BPIFB4: variants seen among roughly 807,000 people sequenced by gnomAD.
The protein encoded by BPIFB4 is BPI fold containing family B member 4, also known as BPI fold-containing family B member 4.
A neutral mutation model predicts 69.2 loss-of-function variants in BPIFB4; 62 were observed. That is an observed-to-expected ratio of 0.90 (90% CI 0.73 to 1.11). The LOEUF (loss-of-function observed/expected upper bound fraction) is 1.11, where lower values mean the gene tolerates loss of function less well. BPIFB4 is among the 50% of genes least tolerant of loss of function. The pLI is 0.00. For synonymous variants in BPIFB4, 330 were observed against 332.7 expected, an observed-to-expected ratio of 0.99 and a Z score of 0.09; for missense variants, 789 against 792.0, an observed-to-expected ratio of 1.00 and a Z score of 0.04.
At chr20:33,085,550 G>C (rs1981399181) in intron 6 of BPIFB4, among the ~76,000 whole-genome samples, 1 of 152,240 alleles carries the variant, frequency 6.6e-6, no homozygotes, top group Non-Finnish European at 1.5e-5. Context: ...CCTTGGGCCA[G>C]TCCCCCAGTG....
rs1376492089 is a variant in BPIFB4, at chr20:33,086,180, C to G, written c.926+16C>G. 2.5e-6 allele frequency: 4 copies of G among 1,597,302 alleles called. No individual in the cohort carries two copies. In the African/African-American group the frequency reaches 4.0e-5, roughly 16 times the overall value. On this transcript the variant is annotated intron_variant, in intron 7 of 17. Transcript: ENST00000375483. ...TGCTGCGAGGGTGAGTGCTAGCCGG[C>G]AGTGGAGTGCCTTGGGGGTTGCTGG...
At position 33,097,681 on chromosome 20, in the gene BPIFB4, C is replaced by T; in HGVS notation, c.1463C>T (p.Ser488Phe). The T allele has an allele frequency of 6.2e-7, 1 of 1,614,140 alleles. No individual in the cohort carries two copies. The change falls in exon 13 of 18, where the codon TCT (serine) becomes TTT (phenylalanine). Residue 488 changes from serine to phenylalanine, a missense_variant. Physicochemically the swap from Ser to Phe is radical, Grantham distance 155. Around this residue, in one of 3 missense-constraint regions of BPIFB4, gnomAD observed 170 missense variants for 193.6 expected, o/e 0.88. Coordinates refer to ENST00000375483, the MANE Select transcript of BPIFB4 (RefSeq NM_182519.3). ...IIRIQVLNPPSVMLQKDKALV... is the reference protein window; with the variant it reads ...IIRIQVLNPPFVMLQKDKALV... ...AGGATCCAGGTGCTGAACCCACCAT[C>T]TGTGATGCTGCAGAAGGACAAAGCG... is the stretch of plus-strand genomic sequence containing the variant.
chr20:33,092,545 C>G lies in BPIFB4; in HGVS notation c.1231C>G (p.Pro411Ala), dbSNP rs750552572. ...VSPKPMPELP[P>A]MGDNTKSQLA... ...TCCCAAGCCGATGCCAGAGCTGCCT[C>G]CCATGGGTGACAACACCAAGTCCCA... Residue 411 changes from proline to alanine, a missense_variant, in exon 11 of 18, where the codon CCC becomes GCC. Pro to Ala is a conservative substitution (Grantham distance 27, BLOSUM62 -1). Coordinates refer to ENST00000375483, the MANE Select transcript of BPIFB4 (RefSeq NM_182519.3). 7 of 1,614,144 alleles carry G rather than the reference C, an allele frequency of 4.3e-6. No homozygotes were observed. Among genetic ancestry groups the G allele is most frequent in the Non-Finnish European group, 5.9e-6 (7 of 1,180,000 alleles).
chr20:33,085,887 T>A (rs1300409612), intron 6 of BPIFB4, 134 bp from the exon 7 acceptor site: 1 of 1,085,708 alleles, frequency 9.2e-7, no homozygotes, highest in Non-Finnish European at 1.4e-6. Flanking sequence ...AGGGAAGAGT[T>A]CTGGGTTGGG....
At chr20:33,087,717 A>AACACACAC (rs1555882746) in intron 7 of BPIFB4, among the ~76,000 whole-genome samples, 7 of 59,436 alleles carry the variant, frequency 1.2e-4, no homozygotes, top group Middle Eastern at 8.1e-3. Flanking sequence ...CTATCCCCTC[A>AACACACAC]ACACACACAC....
intron 16 of BPIFB4, among the ~76,000 whole-genome samples, chr20:33,105,689 C>T (rs1022289188): frequency 6.6e-6 from 1 of 152,192 alleles, no homozygotes; most frequent in Admixed American, 6.5e-5. Flanking sequence ...GCTACACCAG[C>T]GGGGGTTCTG....
At chr20:33,100,395 G>A in intron 13 of BPIFB4, 31 bp from the exon 14 acceptor site, 1 of 1,544,814 alleles carries the variant, frequency 6.5e-7, no homozygotes, top group Non-Finnish European at 8.9e-7. Context: ...CATGAAGGCA[G>A]TGACGTCTTT....
At chr20:33,097,887 A>C in intron 13 of BPIFB4, 100 bp downstream of exon 13, 14 of 1,280,180 alleles carry the variant, frequency 1.1e-5, no homozygotes, top group Non-Finnish European at 1.4e-5. Flanking sequence ...CTCAATCTCC[A>C]CCATCATGAC....
At chr20:33,096,943 T>C (rs1002025133) in intron 12 of BPIFB4, among the ~76,000 whole-genome samples, 4 of 152,252 alleles carry the variant, frequency 2.6e-5, no homozygotes, top group Non-Finnish European at 5.9e-5. Flanking sequence ...TTGATAAATA[T>C]GGCAAACTGC....
intron 13 of BPIFB4, 60 bp from the exon 14 acceptor site, chr20:33,100,366 T>C: frequency 7.0e-7 from 1 of 1,424,900 alleles, no homozygotes; most frequent in East Asian, 2.3e-5. Context: ...AATGAGCCTT[T>C]GGCAAGCACT....
intron 14 of BPIFB4, 46 bp downstream of exon 14, chr20:33,100,539 T>C (rs1181770517): frequency 6.5e-7 from 1 of 1,547,270 alleles, no homozygotes; most frequent in Admixed American, 1.7e-5. Context: ...CTGGTGCTGC[T>C]CATGGAGGAG....
rs1981415472 is a variant in BPIFB4, at chr20:33,086,052, G to C, written c.814G>C (p.Val272Leu). 20 of 1,612,976 alleles carry C rather than the reference G, an allele frequency of 1.2e-5. No homozygotes were observed. The highest frequency in any genetic ancestry group is 1.7e-5 in the Non-Finnish European group (20 of 1,179,136). Residue 272 changes from valine (V) to leucine (L), a missense_variant, in exon 7 of 18, where the codon GTG becomes CTG. Val to Leu is a conservative substitution (Grantham distance 32). Around this residue, in one of 3 missense-constraint regions of BPIFB4, gnomAD observed 611 missense variants for 575.4 expected, o/e 1.06. Transcript: ENST00000375483. ...TGGCTTCCTGGACATCGCAGTAGAA[G>C]TGAACATCACAGCCAAGGTCCGGCT... ...LIGFLDIAVE[V>L]NITAKVRLTM... is the part of the protein sequence containing the mutation.
chr20:33,088,312 G>A (rs1368319385), intron 7 of BPIFB4, among the ~76,000 whole-genome samples: 6 of 144,030 alleles, frequency 4.2e-5, no homozygotes, highest in Non-Finnish European at 9.0e-5. Flanking sequence ...CTACACTCCA[G>A]CCTGGGCAAC....
rs1055783635 is a variant in BPIFB4, at chr20:33,089,404, G to C, written c.991-94G>C. 2.5e-6 allele frequency: 4 copies of C among 1,586,248 alleles called. No homozygotes were observed. In the Admixed American group the frequency reaches 5.1e-5, roughly 20 times the overall value. On this transcript the variant is annotated intron_variant, in intron 8 of 17. Transcript: ENST00000375483. The stretch of plus-strand genomic sequence containing the variant: ...GTGCCTGGCACAGAGCAAGCAGTCA[G>C]TAAATTTTAGCTATCGTTACTCTTG...
chr20:33,106,504 C>T (rs1036821103), intron 16 of BPIFB4, among the ~76,000 whole-genome samples: 3 of 151,824 alleles, frequency 2.0e-5, no homozygotes, highest in Non-Finnish European at 4.4e-5. Flanking sequence ...TCCCGAGTAC[C>T]TGGGATTACA....
Position 33,092,584 on chromosome 20 carries a change from G to A in BPIFB4, c.1270G>A (p.Ala424Thr). Residue 424 changes from alanine (A) to threonine (T), a missense_variant, in exon 11 of 18, where the codon GCC (alanine) becomes ACC (threonine). Ala to Thr is a moderately conservative substitution (Grantham distance 58). Transcript: ENST00000375483. Reference protein sequence around the residue: ...DNTKSQLAMSANFLGSVLTLL... With the variant: ...DNTKSQLAMSTNFLGSVLTLL... ...CACCAAGTCCCAGCTGGCCATGTCT[G>A]CCAACTTCCTGGGCTCAGTGCTGAC... The A allele has an allele frequency of 6.2e-7, 1 of 1,613,920 alleles. No individual in the cohort carries two copies. Among genetic ancestry groups the A allele is most frequent in the Non-Finnish European group, 8.5e-7 (1 of 1,180,026 alleles).
Position 33,081,584 on chromosome 20 carries a change from C to T in BPIFB4, c.58C>T (p.His20Tyr), listed in dbSNP as rs1322007018. Residue 20 changes from histidine (H) to tyrosine (Y), a missense_variant, in exon 3 of 18, where the codon CAC (histidine) becomes TAC (tyrosine). Transcript: ENST00000375483. ...TGTGGTGGCTGTGTGTGGCACCAGC[C>T]ACGAGACAAACACGGTCCTCAGGGT... ...LSVVAVCGTSHETNTVLRVTK... is the reference protein window; with the variant it reads ...LSVVAVCGTSYETNTVLRVTK... 6.4e-7 allele frequency: 1 copy of T among 1,551,734 alleles called. No individual in the cohort carries two copies. Among genetic ancestry groups the T allele is most frequent in the Admixed American group, 2.0e-5 (1 of 51,016 alleles).
At chr20:33,087,417 C>CT (rs1303625818) in intron 7 of BPIFB4, among the ~76,000 whole-genome samples, 2 of 152,192 alleles carry the variant, frequency 1.3e-5, no homozygotes, top group African/African-American at 2.4e-5. Flanking sequence ...TTGCACTTTG[C>CT]TTTTTTTCAT....
At chr20:33,081,489 C>T in intron 2 of BPIFB4, 23 bp from the exon 3 acceptor site, 1 of 1,550,694 alleles carries the variant, frequency 6.4e-7, no homozygotes, top group Non-Finnish European at 8.7e-7. Flanking sequence ...GCCACATCTG[C>T]ATCTGCACTT....
Sources: allele counts gnomAD v4.1 joint callset (sites outside exome capture counted in the v4.1 genomes callset), GRCh38; gene constraint gnomAD v4.1.1; regional missense constraint gnomAD v4.1.1; transcripts MANE v1.5; gene names NCBI Gene and HGNC (gene_info 2026-07-23, HGNC 2026-07-21).